The following JDP2 variants were observed in gnomAD, a reference collection of about 807,000 sequenced individuals.
The protein encoded by JDP2 is progesterone receptor co-activator.
In JDP2, 9 loss-of-function variants were observed where a neutral mutation model predicts 17.1. That is an observed-to-expected ratio of 0.53 (90% CI 0.32 to 0.92). The LOEUF is 0.92. Ranked by LOEUF, JDP2 falls within the 40% of genes least tolerant of loss-of-function variation. The pLI is 0.04. For missense variants in JDP2, 179 were observed against 220.0 expected, an observed-to-expected ratio of 0.81 and a Z score of 1.18; for synonymous variants, 107 against 95.6, an observed-to-expected ratio of 1.12 and a Z score of -0.69.
At chr14:75,440,862 G>A (rs780900742) in intron 2 of JDP2, among the ~76,000 whole-genome samples, 1 of 152,230 alleles carries the variant, frequency 6.6e-6, no homozygotes, top group Non-Finnish European at 1.5e-5. Context: ...CCACATTACA[G>A]ATGAGGTCAA....
At chr14:75,458,188 G>A (rs1886199011) in intron 2 of JDP2, among the ~76,000 whole-genome samples, 1 of 152,196 alleles carries the variant, frequency 6.6e-6, no homozygotes, top group Non-Finnish European at 1.5e-5. Context: ...TAACTTTTAA[G>A]TTCAGGGGTA....
intron 1 of JDP2, among the ~76,000 whole-genome samples, chr14:75,434,831 C>T (rs536452724): frequency 1.8e-4 from 28 of 152,216 alleles, no homozygotes; most frequent in African/African-American, 5.1e-4. Context: ...AGCCTGATAA[C>T]GAGCATCTAA....
chr14:75,444,657 C>T (rs1754587784), intron 2 of JDP2, among the ~76,000 whole-genome samples: 1 of 152,228 alleles, frequency 6.6e-6, no homozygotes, highest in South Asian at 2.1e-4. Flanking sequence ...TCCACATCCT[C>T]ATCACAGAGC....
At chr14:75,443,483 A>T (rs1413234720) in intron 2 of JDP2, among the ~76,000 whole-genome samples, 1 of 152,172 alleles carries the variant, frequency 6.6e-6, no homozygotes, top group Non-Finnish European at 1.5e-5. Flanking sequence ...CTTGGAACAG[A>T]ATCTCCCAAC....
chr14:75,448,927 T>C (rs1885728935), intron 2 of JDP2, among the ~76,000 whole-genome samples: 1 of 152,116 alleles, frequency 6.6e-6, no homozygotes. Flanking sequence ...ACCTTCTCTC[T>C]GCACCTAAAT....
At chr14:75,460,806 C>T (rs927608011) in intron 2 of JDP2, among the ~76,000 whole-genome samples, 3 of 152,200 alleles carry the variant, frequency 2.0e-5, no homozygotes, top group Non-Finnish European at 2.9e-5. Context: ...GCTTGCTTCT[C>T]CCTCAGGACA....
intron 3 of JDP2, 88 bp downstream of exon 3, chr14:75,461,618 G>A: frequency 9.8e-7 from 1 of 1,025,322 alleles, no homozygotes; most frequent in Non-Finnish European, 1.5e-6. Flanking sequence ...AGATGTCTCT[G>A]TAGTCAATGA....
chr14:75,461,329 T>C (rs1886337305), intron 2 of JDP2, 97 bp from the exon 3 acceptor site: 1 of 876,788 alleles, frequency 1.1e-6, no homozygotes, highest in African/African-American at 1.7e-5. Flanking sequence ...GAGATGTGGG[T>C]TAGAAAGGCG....
Position 75,435,372 on chromosome 14 carries a change from G to A in JDP2, c.-23-2526G>A, listed in dbSNP as rs567274609. On this transcript the variant is annotated intron_variant, in intron 1 of 3. Transcript: ENST00000651602. ...TGTCTGGGCTCCCATGCAGGCTACC[G>A]TGGAGTTATTCAGGGAACTTCCTAA... Among the ~76,000 whole-genome samples, 17 of 152,316 alleles carry A rather than the reference G, an allele frequency of 1.1e-4. No individual in the cohort carries two copies. In the East Asian group the frequency reaches 1.7e-3, roughly 16 times the overall value.
chr14:75,467,805 C>T lies in JDP2; in HGVS notation c.307-1485C>T, dbSNP rs141886126. Reference sequence around the variant, plus strand: ...GAGGACCAGGCCAGCTTCCCAGTCACGTCCCAGCCTGTGGAACCAAAAACC... The same window carrying T: ...GAGGACCAGGCCAGCTTCCCAGTCATGTCCCAGCCTGTGGAACCAAAAACC... On this transcript the variant is annotated intron_variant, in intron 3 of 3. Coordinates refer to ENST00000651602, the MANE Select transcript of JDP2 (RefSeq NM_001135048.2). Among the ~76,000 whole-genome samples the T allele has an allele frequency of 4.3e-3, 650 of 152,246 alleles. 1 individual carries two copies. The highest frequency in any genetic ancestry group is 0.014 in the Middle Eastern group (4 of 294).
At chr14:75,434,372 A>T (rs1392348162) in intron 1 of JDP2, among the ~76,000 whole-genome samples, 1 of 151,970 alleles carries the variant, frequency 6.6e-6, no homozygotes, top group Non-Finnish European at 1.5e-5. Flanking sequence ...GTCTCCTAGG[A>T]ATGGCATGGC....
At chr14:75,447,744 G>A (rs1445336417) in intron 2 of JDP2, among the ~76,000 whole-genome samples, 3 of 152,064 alleles carry the variant, frequency 2.0e-5, no homozygotes, top group African/African-American at 7.2e-5. Context: ...TGCAACCTCT[G>A]CCTCTGGGGT....
At chr14:75,460,359 C>T (rs1440749291) in intron 2 of JDP2, among the ~76,000 whole-genome samples, 3 of 152,104 alleles carry the variant, frequency 2.0e-5, no homozygotes, top group East Asian at 3.9e-4. Context: ...GCTGGGGAGA[C>T]TGTTAGTGAC....
chr14:75,463,224 C>T (rs916702902), intron 3 of JDP2, among the ~76,000 whole-genome samples: 1 of 152,266 alleles, frequency 6.6e-6, no homozygotes, highest in Non-Finnish European at 1.5e-5. Flanking sequence ...TGAGCACCTA[C>T]TGTGTGCCAG....
chr14:75,460,970 G>C (rs1197043278), intron 2 of JDP2, among the ~76,000 whole-genome samples: 1 of 152,170 alleles, frequency 6.6e-6, no homozygotes, highest in Non-Finnish European at 1.5e-5. Context: ...GGGCCTTCTT[G>C]CTGCATCATC....
At position 75,438,065 on chromosome 14, in the gene JDP2, C is replaced by T; in HGVS notation, c.145C>T (p.Pro49Ser). The T allele has an allele frequency of 1.2e-6, 2 of 1,613,906 alleles. No individual in the cohort carries two copies. The highest frequency in any genetic ancestry group is 2.2e-5 in the South Asian group (2 of 91,024). Residue 49 changes from proline (P) to serine (S), a missense_variant, in exon 2 of 4, where the codon CCC (proline) becomes TCC (serine). Coordinates refer to ENST00000651602, the MANE Select transcript of JDP2 (RefSeq NM_001135048.2). ...DIRNLGAMIA[P>S]LHFLEVKLGK... is the part of the protein sequence containing the mutation. Reference sequence around the variant, plus strand: ...CCGCAACCTCGGGGCCATGATTGCACCCTTGCACTTCCTGGAGGTGAAACT... The same window carrying T: ...CCGCAACCTCGGGGCCATGATTGCATCCTTGCACTTCCTGGAGGTGAAACT...
At chr14:75,442,777 A>G (rs952044125) in intron 2 of JDP2, among the ~76,000 whole-genome samples, 14 of 152,190 alleles carry the variant, frequency 9.2e-5, no homozygotes, top group African/African-American at 3.4e-4. Flanking sequence ...ATCTGAGGGT[A>G]GAGTCCTGGG....
chr14:75,456,194 T>C, intron 2 of JDP2, among the ~76,000 whole-genome samples: 1 of 152,194 alleles, frequency 6.6e-6, no homozygotes, highest in East Asian at 1.9e-4. Context: ...CTCACCAGGG[T>C]GGCATCAAGA....
chr14:75,451,903 C>A (rs1885884276), intron 2 of JDP2, among the ~76,000 whole-genome samples: 1 of 152,200 alleles, frequency 6.6e-6, no homozygotes, highest in Non-Finnish European at 1.5e-5. Context: ...CACTAAGCGT[C>A]TGTAAAAGCA....
Sources: gnomAD v4.1 joint callset for allele counts (sites outside exome capture counted in the v4.1 genomes callset) on GRCh38, gnomAD v4.1.1 for gene constraint, MANE v1.5 for transcripts, NCBI Gene and HGNC (gene_info 2026-07-23, HGNC 2026-07-21) for gene names.